Variants in HPSE observed in about 807,000 individuals in gnomAD.
The protein encoded by HPSE is endo-glucoronidase.
A neutral mutation model predicts 65.1 loss-of-function variants in HPSE; 48 were observed. The ratio of observed to expected loss-of-function variants is 0.74; its 90% CI spans 0.58 to 0.94. The LOEUF (loss-of-function observed/expected upper bound fraction) is 0.94. Among genes scored for constraint, HPSE ranks in the 40% least tolerant of loss-of-function variants. HPSE has a pLI of 0.00. For synonymous variants in HPSE, 243 were observed against 260.0 expected (o/e 0.93, Z 0.63); for missense variants, 644 against 637.5 (o/e 1.01, Z -0.11).
chr4:83,333,723 C>A (rs950369199), intron 1 of HPSE, among the ~76,000 whole-genome samples: 1 of 152,038 alleles, frequency 6.6e-6, no homozygotes, highest in African/African-American at 2.4e-5. Context: ...CATTTTGCAG[C>A]CCCATTTTGG....
chr4:83,307,909 G>T (rs1736205243), intron 8 of HPSE, among the ~76,000 whole-genome samples: 1 of 152,162 alleles, frequency 6.6e-6, no homozygotes, highest in African/African-American at 2.4e-5. Context: ...AACTAAACCA[G>T]TATTTTAAAG....
intron 1 of HPSE, among the ~76,000 whole-genome samples, chr4:83,330,806 G>C (rs1410612828): frequency 6.6e-6 from 1 of 151,982 alleles, no homozygotes; most frequent in Non-Finnish European, 1.5e-5. Context: ...TTTTTTTACC[G>C]TGCATTAGTG....
chr4:83,305,237 A>G (rs879434469), intron 9 of HPSE, among the ~76,000 whole-genome samples: 2 of 152,216 alleles, frequency 1.3e-5, no homozygotes, highest in Admixed American at 6.5e-5. Context: ...AAAGGTCAGG[A>G]GTAGATTTTG....
intron 4 of HPSE, 107 bp downstream of exon 4, chr4:83,313,007 G>A: frequency 1.3e-6 from 1 of 788,144 alleles, no homozygotes; most frequent in South Asian, 2.0e-5. Context: ...GGGCAGCAGT[G>A]CGAGACTCTG....
In HPSE at chr4:83,295,379, C is replaced by CA. The variant is rs777639789; in HGVS notation, c.1596dup (p.Val533CysfsTer46). ...GCAGCAACTTTGGCATTTCTTATCA[C>CA]AAAAAAACTATATGAGAAAGCTGGC... On this transcript the variant is annotated frameshift_variant, in exon 12 of 12. Transcript: ENST00000311412. LOFTEE classifies it high-confidence loss of function. 60 of 1,610,322 alleles carry CA rather than the reference C, an allele frequency of 3.7e-5. No individual in the cohort carries two copies. Among genetic ancestry groups the CA allele is most frequent in the Non-Finnish European group, 4.9e-5 (58 of 1,178,014 alleles).
chr4:83,306,579 A>C (rs1370667140), intron 8 of HPSE, among the ~76,000 whole-genome samples: 1 of 151,998 alleles, frequency 6.6e-6, no homozygotes, highest in African/African-American at 2.4e-5. Context: ...AAAAATTATA[A>C]CTGAGGAAAT....
Position 83,319,339 on chromosome 4 carries a change from C to T in HPSE, c.499+5G>A. On this transcript the variant is annotated splice_donor_5th_base_variant and intron_variant, in intron 3 of 11. Coordinates refer to ENST00000311412, the MANE Select transcript of HPSE (RefSeq NM_001098540.3). ...AACATCTCTAGGGTGCCTTTCATTT[C>T]TTACTTGAGTAGGTGCTGTTCTTGA... 1 of 1,613,626 alleles carries T rather than the reference C, an allele frequency of 6.2e-7. No homozygotes were observed. The highest frequency in any genetic ancestry group is 8.5e-7 in the Non-Finnish European group (1 of 1,179,732).
At chr4:83,334,903 C>T, upstream of HPSE, 1 of 1,405,356 alleles carries the variant, frequency 7.1e-7, no homozygotes, top group Non-Finnish European at 9.3e-7. Context: ...CGTTACGCCT[C>T]CTCACCCCTC....
Position 83,322,325 on chromosome 4 carries a change from A to T in HPSE, c.267T>A (p.Pro89=). The T allele has an allele frequency of 1.2e-6, 2 of 1,613,866 alleles. No individual in the cohort carries two copies. The highest frequency in any genetic ancestry group is 1.7e-6 in the Non-Finnish European group (2 of 1,179,838). The change falls in exon 2 of 12, where the codon CCT becomes CCA. Residue 89 remains proline, a synonymous_variant. Transcript: ENST00000311412. The part of the protein sequence containing the change: ...KLRTLARGLS[P]AYLRFGGTKT... ...TGGTGCCACCAAACCTCAGGTACGCAGGAGACAAGCCTCTGGCCAAGGTAC... is the reference window on the plus strand; with the variant it reads ...TGGTGCCACCAAACCTCAGGTACGCTGGAGACAAGCCTCTGGCCAAGGTAC...
chr4:83,306,282 C>T lies in HPSE; in HGVS notation c.1127G>A (p.Gly376Glu), dbSNP rs768044249. The T allele has an allele frequency of 3.7e-6, 6 of 1,613,540 alleles. No individual in the cohort carries two copies. In the South Asian group the frequency reaches 5.5e-5, roughly 15 times the overall value. The change falls in exon 9 of 12, where the codon GGA becomes GAA. Residue 376 changes from glycine to glutamate, a missense_variant. Gly to Glu is a moderately conservative substitution (Grantham distance 98, BLOSUM62 -2). Coordinates refer to ENST00000311412, the MANE Select transcript of HPSE (RefSeq NM_001098540.3). ...LDKLGLSARM[G>E]IEVVMRQVFF... ...TACTTGCCTCATCACCACTTCTATT[C>T]CCATTCGGGCTGACAGGCCCAATTT... is the stretch of plus-strand genomic sequence containing the variant.
chr4:83,301,171 A>G, intron 10 of HPSE, 65 bp from the exon 11 acceptor site: 2 of 1,039,754 alleles, frequency 1.9e-6, no homozygotes, highest in Non-Finnish European at 2.8e-6. Flanking sequence ...AAACTCAATT[A>G]CAAATGTGAT....
rs1454573584 is a variant in HPSE, at chr4:83,334,809, G to A, written c.-27C>T. 6.7e-7 allele frequency: 1 copy of A among 1,486,002 alleles called. No homozygotes were observed. 92.1% of individuals were successfully genotyped at this position (1,486,002 alleles called of 1,614,324 possible). A position where few individuals can be genotyped will look rare whatever the true frequency, so the allele number is the denominator to read the frequency against. The stretch of plus-strand genomic sequence containing the variant: ...TTGGGCTCACCTGGCTGCTCCCCCC[G>A]CCAGCTGCCGCGCAGCGGAGAGTCG... On this transcript the variant is annotated 5_prime_UTR_variant, in exon 1 of 12. Transcript: ENST00000311412.
intron 11 of HPSE, among the ~76,000 whole-genome samples, chr4:83,299,174 G>A (rs768361353): frequency 1.3e-5 from 2 of 151,830 alleles, no homozygotes; most frequent in Non-Finnish European, 2.9e-5. Context: ...GACCAGCCTG[G>A]CCCACATGGT....
intron 3 of HPSE, 43 bp from the exon 4 acceptor site, chr4:83,313,330 C>T (rs1212698327): frequency 1.5e-6 from 2 of 1,327,098 alleles, no homozygotes; most frequent in South Asian, 3.0e-5. Context: ...ATTGGCACCA[C>T]AATGAAGGCC....
intron 3 of HPSE, 99 bp from the exon 4 acceptor site, chr4:83,313,386 T>C (rs567624477): frequency 6.7e-5 from 48 of 714,098 alleles, no homozygotes; most frequent in African/African-American, 6.5e-4. Context: ...GTTGTTAAAC[T>C]GAAGAAATTC....
At position 83,319,335 on chromosome 4, in the gene HPSE, AT is replaced by A. The variant is rs774472492; in HGVS notation, c.499+8del. The A allele has an allele frequency of 4.3e-6, 7 of 1,613,454 alleles. No individual in the cohort carries two copies. The highest frequency in any genetic ancestry group is 5.9e-6 in the Non-Finnish European group (7 of 1,179,662). ...CTGGAACATCTCTAGGGTGCCTTTCATTTCTTACTTGAGTAGGTGCTGTTCT... is the reference window on the plus strand; with the variant it reads ...CTGGAACATCTCTAGGGTGCCTTTCATTCTTACTTGAGTAGGTGCTGTTCT... On this transcript the variant is annotated splice_region_variant and intron_variant, in intron 3 of 11. Transcript: ENST00000311412.
intron 1 of HPSE, among the ~76,000 whole-genome samples, chr4:83,332,775 T>C (rs1478949072): frequency 1.3e-5 from 2 of 152,254 alleles, no homozygotes; most frequent in African/African-American, 4.8e-5. Flanking sequence ...GTTTTTTCTT[T>C]TGGACCTGTT....
At chr4:83,307,447 T>A (rs1485483650) in intron 8 of HPSE, among the ~76,000 whole-genome samples, 1 of 152,178 alleles carries the variant, frequency 6.6e-6, no homozygotes, top group Non-Finnish European at 1.5e-5. Context: ...TCCCTTTACA[T>A]CTTTCCATAT....
At chr4:83,319,273 T>G (rs1736777569) in intron 3 of HPSE, 71 bp downstream of exon 3, 2 of 1,480,590 alleles carry the variant, frequency 1.4e-6, no homozygotes, top group Non-Finnish European at 1.9e-6. Flanking sequence ...CTTGCTAGAT[T>G]GGTGCCCGAG....
Sources: gnomAD v4.1 joint callset for allele counts (sites outside exome capture counted in the v4.1 genomes callset) on GRCh38, gnomAD v4.1.1 for gene constraint, MANE v1.5 for transcripts, NCBI Gene and HGNC (gene_info 2026-07-23, HGNC 2026-07-21) for gene names.